Variants in NXPE2 observed in about 807,000 individuals in gnomAD.
The protein encoded by NXPE2 is NXPE family member 2.
A neutral mutation model predicts 34.4 loss-of-function variants in NXPE2; 34 were observed. The ratio of observed to expected loss-of-function variants is 0.99; its 90% CI spans 0.75 to 1.31. NXPE2 has a LOEUF of 1.31. Ranked by LOEUF, NXPE2 falls within the 40% of genes most tolerant of loss-of-function variation. The pLI is 0.00. For missense variants in NXPE2, 649 were observed against 672.5 expected, an observed-to-expected ratio of 0.97 and a Z score of 0.39; for synonymous variants, 235 against 231.3, an observed-to-expected ratio of 1.02 and a Z score of -0.15.
At chr11:114,473,323 T>C in the NXPE2 span, among the ~76,000 whole-genome samples, 1 of 152,238 alleles carries the variant, frequency 6.6e-6, no homozygotes, top group Non-Finnish European at 1.5e-5. Context: ...TTTGCCACAA[T>C]AATCAGTGTG....
At chr11:114,790,804 C>G in the NXPE2 span, among the ~76,000 whole-genome samples, 1 of 152,040 alleles carries the variant, frequency 6.6e-6, no homozygotes, top group African/African-American at 2.4e-5. Context: ...AAGGAAGGAG[C>G]CTTTGCCAAC....
the NXPE2 span, among the ~76,000 whole-genome samples, chr11:114,617,096 A>G: frequency 8.6e-5 from 13 of 151,530 alleles, no homozygotes; most frequent in African/African-American, 3.2e-4. Context: ...TGCATGGATA[A>G]TAAGTGTTGC....
the NXPE2 span, among the ~76,000 whole-genome samples, chr11:114,489,335 G>A: frequency 2.6e-4 from 40 of 152,280 alleles, no homozygotes; most frequent in Non-Finnish European, 5.1e-4. Context: ...TAGAAAACGG[G>A]AATCCTCCCT....
At chr11:114,608,333 T>A in the NXPE2 span, among the ~76,000 whole-genome samples, 1 of 151,786 alleles carries the variant, frequency 6.6e-6, no homozygotes, top group Non-Finnish European at 1.5e-5. Flanking sequence ...ACTTGCTGGA[T>A]AATAAGTGTT....
At chr11:114,622,043 A>C in the NXPE2 span, among the ~76,000 whole-genome samples, 1 of 152,056 alleles carries the variant, frequency 6.6e-6, no homozygotes, top group East Asian at 1.9e-4. Flanking sequence ...CCCAGTGGAT[A>C]ATAAGTATTC....
chr11:114,793,412 C>A, the NXPE2 span, among the ~76,000 whole-genome samples: 1 of 152,082 alleles, frequency 6.6e-6, no homozygotes, highest in Non-Finnish European at 1.5e-5. Context: ...AGTTAAAAAT[C>A]TGTCATTTTC....
the NXPE2 span, among the ~76,000 whole-genome samples, chr11:114,616,569 G>C: frequency 1.3e-5 from 2 of 151,400 alleles, no homozygotes; most frequent in Non-Finnish European, 2.9e-5. Context: ...TTGCCTCATG[G>C]GTAATCACTG....
chr11:114,769,918 A>G, the NXPE2 span, among the ~76,000 whole-genome samples: 4 of 152,196 alleles, frequency 2.6e-5, no homozygotes, highest in Non-Finnish European at 5.9e-5. Flanking sequence ...TATGTAACAA[A>G]CCTGCACGTT....
the NXPE2 span, among the ~76,000 whole-genome samples, chr11:114,754,207 G>A: frequency 7.4e-4 from 112 of 152,220 alleles, no homozygotes; most frequent in Non-Finnish European, 1.2e-3. Flanking sequence ...GTGGGTTTGG[G>A]TGAGCCTGTG....
the NXPE2 span, among the ~76,000 whole-genome samples, chr11:114,602,561 T>C: frequency 0.16 from 22,659 of 139,002 alleles, 1,931 homozygotes; most frequent in South Asian, 0.22. Context: ...ATAGATTATA[T>C]CATTTATAAT....
the NXPE2 span, among the ~76,000 whole-genome samples, chr11:114,595,310 A>T: frequency 1.3e-5 from 2 of 152,168 alleles, no homozygotes; most frequent in Admixed American, 6.5e-5. Context: ...TTTCTTACTT[A>T]AAAAAATTTC....
the NXPE2 span, chr11:114,522,620 T>C: frequency 1.1e-6 from 1 of 877,150 alleles, no homozygotes; most frequent in South Asian, 1.8e-5. Flanking sequence ...CTGGAGCCTT[T>C]CTACTCTCTA....
intron 2 of NXPE2, among the ~76,000 whole-genome samples, chr11:114,694,931 T>C (rs1951220713): frequency 6.8e-6 from 1 of 147,974 alleles, no homozygotes; most frequent in African/African-American, 2.7e-5. Flanking sequence ...ATCTCTACTA[T>C]AACTAAGTTT....
chr11:114,768,472 A>G, the NXPE2 span, among the ~76,000 whole-genome samples: 4 of 152,292 alleles, frequency 2.6e-5, no homozygotes, highest in Non-Finnish European at 4.4e-5. Flanking sequence ...CTTGATGGGG[A>G]TAGCATTGAA....
the NXPE2 span, among the ~76,000 whole-genome samples, chr11:114,578,886 G>T: frequency 0.035 from 5,292 of 152,290 alleles, 139 homozygotes; most frequent in Middle Eastern, 0.085. Flanking sequence ...TGCAATGGCT[G>T]TTGTTTTTTT....
At chr11:114,541,654 G>C in the NXPE2 span, among the ~76,000 whole-genome samples, 2 of 152,114 alleles carry the variant, frequency 1.3e-5, no homozygotes, top group Admixed American at 1.3e-4. Flanking sequence ...CAGAAAGGCA[G>C]GACAATTTGA....
the NXPE2 span, among the ~76,000 whole-genome samples, chr11:114,501,446 G>T: frequency 6.6e-6 from 1 of 152,088 alleles, no homozygotes; most frequent in African/African-American, 2.4e-5. Flanking sequence ...TTTCTCTCAA[G>T]CATTGAAATC....
At chr11:114,629,194 C>A in the NXPE2 span, among the ~76,000 whole-genome samples, 2 of 152,022 alleles carry the variant, frequency 1.3e-5, no homozygotes, top group Non-Finnish European at 2.9e-5. Context: ...CATTCTGATA[C>A]CAAAGCCGGG....
At chr11:114,513,318 C>T in the NXPE2 span, 3 of 448,818 alleles carry the variant, frequency 6.7e-6, no homozygotes, top group South Asian at 6.5e-5. Flanking sequence ...ATCAGCTGGT[C>T]TAGTTTCTCC....
Sources: allele counts gnomAD v4.1 joint callset (sites outside exome capture counted in the v4.1 genomes callset), GRCh38; gene constraint gnomAD v4.1.1; transcripts MANE v1.5; gene names NCBI Gene and HGNC (gene_info 2026-07-23, HGNC 2026-07-21).